Variants in EPB41 observed in about 807,000 individuals in gnomAD.
The protein encoded by EPB41 is protein 4.1.
In EPB41, 65 loss-of-function variants were observed where a neutral mutation model predicts 108.0. The ratio of observed to expected loss-of-function variants is 0.60; its 90% CI spans 0.49 to 0.74. The LOEUF (loss-of-function observed/expected upper bound fraction) is 0.74, where lower values mean the gene tolerates loss of function less well. Among genes scored for constraint, EPB41 ranks in the 30% least tolerant of loss-of-function variants. The probability of loss-of-function intolerance (pLI) is 0.00; values close to 1 mark genes in which losing one functional copy is unlikely to be tolerated. For missense variants in EPB41, 875 were observed against 1,037.0 expected (o/e 0.84, Z 2.15); for synonymous variants, 336 against 358.9 (o/e 0.94, Z 0.72).
intron 1 of EPB41, among the ~76,000 whole-genome samples, chr1:28,968,987 A>T (rs2095429810): frequency 6.8e-6 from 1 of 147,384 alleles, no homozygotes; most frequent in Non-Finnish European, 1.5e-5. Flanking sequence ...CCCCCCAAAA[A>T]AAAAACACAA....
rs568598361 is a variant in EPB41, at chr1:28,887,305, G to A, written c.-8+95G>A. 136 of 1,214,062 alleles carry A rather than the reference G, an allele frequency of 1.1e-4. No homozygotes were observed. The Middle Eastern group carries it at 3.6e-3, about 32-fold the overall frequency. 75.2% of individuals were successfully genotyped at this position (1,214,062 alleles called of 1,614,324 possible). On this transcript the variant is annotated intron_variant, in intron 1 of 16. Transcript: ENST00000347529. This position sits in a 1 kb window ranked among gnomAD's most constrained non-coding sequence, Gnocchi z 4.9. ...ACCCCCAAGGGCTCGGACCGTCCCG[G>A]GAGAGGCGAGACCAGGGTCGAAGGG...
chr1:29,013,293 C>G (rs965641011), intron 5 of EPB41, among the ~76,000 whole-genome samples: 3 of 150,958 alleles, frequency 2.0e-5, no homozygotes, highest in Non-Finnish European at 4.4e-5. Context: ...CCACTGCACT[C>G]CAGCCTGGCG....
chr1:28,924,257 C>T (rs189734), intron 1 of EPB41, among the ~76,000 whole-genome samples: 4 of 152,132 alleles, frequency 2.6e-5, no homozygotes, highest in African/African-American at 7.2e-5. Context: ...TGGCCGGGTG[C>T]GTGGCTCATG....
intron 1 of EPB41, among the ~76,000 whole-genome samples, chr1:28,935,276 AC>A (rs1439741015): frequency 6.6e-6 from 1 of 151,718 alleles, no homozygotes; most frequent in African/African-American, 2.4e-5. Flanking sequence ...ACACAAAAAT[AC>A]AAAAAAAGTT....
At chr1:28,914,553 G>C (rs551078627), upstream of EPB41, 1 of 151,212 alleles carries the variant, frequency 6.6e-6, no homozygotes, top group African/African-American at 2.4e-5. Context: ...TGCGGGCCGG[G>C]CTGGCCTCGC....
At chr1:29,039,220 T>A (rs769604984) in intron 10 of EPB41, 34 bp from the exon 11 acceptor site, 2 of 1,593,908 alleles carry the variant, frequency 1.3e-6, no homozygotes, top group African/African-American at 2.7e-5. Flanking sequence ...AAGATGAATA[T>A]ATAATAATAT....
chr1:28,917,044 G>A (rs562824859), intron 1 of EPB41, among the ~76,000 whole-genome samples: 12 of 151,944 alleles, frequency 7.9e-5, no homozygotes, highest in Non-Finnish European at 1.8e-4. Context: ...TCCTCCCTGG[G>A]CCTCCCAAAG....
chr1:28,961,072 G>A (rs1289524111), intron 1 of EPB41, among the ~76,000 whole-genome samples: 1 of 150,918 alleles, frequency 6.6e-6, no homozygotes, highest in East Asian at 1.9e-4. Context: ...TATCACTTTG[G>A]ATTTTGATGT....
intron 15 of EPB41, among the ~76,000 whole-genome samples, chr1:29,061,033 A>T (rs1431899058): frequency 6.6e-6 from 1 of 152,150 alleles, no homozygotes; most frequent in Non-Finnish European, 1.5e-5. Flanking sequence ...TCATAAAAAC[A>T]GGCCTGTGGG....
intron 1 of EPB41, among the ~76,000 whole-genome samples, chr1:28,928,466 C>T (rs887089827): frequency 1.3e-5 from 2 of 152,152 alleles, no homozygotes; most frequent in African/African-American, 2.4e-5. Flanking sequence ...AGAAGAGAAA[C>T]ACAAACAGTA....
chr1:29,016,325 A>G (rs1572506951), intron 6 of EPB41, among the ~76,000 whole-genome samples: 1 of 148,428 alleles, frequency 6.7e-6, no homozygotes, highest in South Asian at 2.1e-4. Context: ...ACAGATGTGC[A>G]CCACCACGCC....
rs532192874 is a variant in EPB41 at position 28,891,985 on chromosome 1, C to T, written c.-8+4775C>T. Among the ~76,000 whole-genome samples the T allele has an allele frequency of 1.2e-3, 179 of 146,320 alleles. 1 individual carries two copies. The highest frequency in any genetic ancestry group is 3.9e-3 in the African/African-American group (154 of 39,756). On this transcript the variant is annotated intron_variant, in intron 1 of 16. Coordinates refer to the EPB41 transcript ENST00000347529. ...GCAGGCGTCTATAATCCCAGCTACT[C>T]GGGATGCTGAGGCAGGAGAATCACT...
chr1:28,939,626 A>G (rs1277855811), intron 1 of EPB41, among the ~76,000 whole-genome samples: 1 of 151,972 alleles, frequency 6.6e-6, no homozygotes, highest in Non-Finnish European at 1.5e-5. Flanking sequence ...TATTTTTAGT[A>G]GAGACGGGGT....
At chr1:29,094,824 A>T (rs1253150093) in intron 16 of EPB41, among the ~76,000 whole-genome samples, 3 of 152,090 alleles carry the variant, frequency 2.0e-5, no homozygotes, top group Non-Finnish European at 4.4e-5. Context: ...GTGGTCCCTC[A>T]TCCTCTGTGG....
chr1:28,936,718 A>G (rs2094045418), intron 1 of EPB41, among the ~76,000 whole-genome samples: 1 of 152,220 alleles, frequency 6.6e-6, no homozygotes, highest in African/African-American at 2.4e-5. Context: ...AGCATGTATC[A>G]GTACTTCATT....
rs984338042 is a variant in EPB41, at chr1:29,094,253, G to T, written c.2185-3554G>T. The stretch of plus-strand genomic sequence containing the variant: ...TACACCATGCTGGTGTTTGTTTTTT[G>T]TTGTTGTTGTTTTCTTATTTTTTTT... On this transcript the variant is annotated intron_variant, in intron 16 of 20. Coordinates refer to ENST00000343067, the MANE Select transcript of EPB41 (RefSeq NM_001376013.1). 4.0e-5 allele frequency among the ~76,000 whole-genome samples: 6 copies of T among 151,804 alleles called. 1 individual carries two copies. The highest frequency in any genetic ancestry group is 4.2e-4 in the South Asian group (2 of 4,790).
chr1:29,040,806 C>T (rs1641202884), intron 11 of EPB41, among the ~76,000 whole-genome samples: 1 of 152,104 alleles, frequency 6.6e-6, no homozygotes, highest in African/African-American at 2.4e-5. Flanking sequence ...AAGCTACATT[C>T]AGTTCCTTAT....
At chr1:29,111,148 C>A (rs1328844454) in intron 18 of EPB41, among the ~76,000 whole-genome samples, 68 of 146,626 alleles carry the variant, frequency 4.6e-4, no homozygotes, top group African/African-American at 1.4e-3. Context: ...GCCTGAGCAA[C>A]AGAGCAAGAC....
intron 4 of EPB41, among the ~76,000 whole-genome samples, chr1:29,004,698 T>G (rs1341074690): frequency 6.6e-6 from 1 of 152,192 alleles, no homozygotes; most frequent in Admixed American, 6.5e-5. Context: ...TAAATGTGGT[T>G]TTTTGGGGTT....
Sources: gnomAD v4.1 joint callset for allele counts (sites outside exome capture counted in the v4.1 genomes callset) on GRCh38, gnomAD v4.1.1 for gene constraint, Gnocchi (gnomAD v3.1) non-coding constraint, MANE v1.5 for transcripts, NCBI Gene and HGNC (gene_info 2026-07-23, HGNC 2026-07-21) for gene names.